The following ZNF605 variants were observed in gnomAD, a reference collection of about 807,000 sequenced individuals.
ZNF605 encodes zinc finger protein 605.
Under a neutral mutation model 7.9 loss-of-function variants are expected in ZNF605, and 9 were observed. That is an observed-to-expected ratio of 1.14 (90% CI 0.68 to 1.98). The LOEUF is 1.98. Ranked by LOEUF, ZNF605 falls within the 30% of genes most tolerant of loss-of-function variation. ZNF605 has a pLI of 0.00. For missense variants in ZNF605, 673 were observed against 762.4 expected (o/e 0.88, Z 1.38); for synonymous variants, 255 against 260.1 (o/e 0.98, Z 0.19).
At chr12:132,948,988 C>T (rs1269540237) in intron 1 of ZNF605, among the ~76,000 whole-genome samples, 2 of 151,950 alleles carry the variant, frequency 1.3e-5, no homozygotes, top group African/African-American at 4.8e-5. Context: ...GAGGCAGAGA[C>T]CAGTGTAGCT....
intron 2 of ZNF605, among the ~76,000 whole-genome samples, chr12:132,946,568 G>A (rs1302228441): frequency 3.3e-5 from 5 of 152,194 alleles, no homozygotes; most frequent in Non-Finnish European, 5.9e-5. Flanking sequence ...CCCAGCTGCC[G>A]GTTTCCAAGG....
At chr12:132,929,039 C>CA (rs1175898358) in intron 4 of ZNF605, among the ~76,000 whole-genome samples, 3,108 of 26,032 alleles carry the variant, frequency 0.12, 107 homozygotes, top group Middle Eastern at 0.2. Context: ...CAAAACAAAA[C>CA]AAAACAAAAA....
intron 1 of ZNF605, among the ~76,000 whole-genome samples, chr12:132,954,923 A>C (rs1952619566): frequency 1.3e-5 from 2 of 152,236 alleles, no homozygotes; most frequent in African/African-American, 4.8e-5. Context: ...TTCCATCATA[A>C]GATCCCCAAA....
rs560195282 is a variant in ZNF605, at chr12:132,940,661, C to T, written c.15+4960G>A. Among the ~76,000 whole-genome samples, 564 of 152,322 alleles carry T rather than the reference C, an allele frequency of 3.7e-3. 8 individuals carry two copies. The Middle Eastern group carries it at 0.044, about 12-fold the overall frequency. On this transcript the variant is annotated intron_variant, in intron 3 of 4. Coordinates refer to ENST00000360187, the MANE Select transcript of ZNF605 (RefSeq NM_183238.4). Reference sequence around the variant, plus strand: ...CCCGACTCAGGCTATGGCTAGTTCCCTGGCCATTGGATCAGGCCGCCGGCC... The same window carrying T: ...CCCGACTCAGGCTATGGCTAGTTCCTTGGCCATTGGATCAGGCCGCCGGCC...
chr12:132,929,055 CA>C (rs1952278487), intron 4 of ZNF605, among the ~76,000 whole-genome samples: 2 of 151,896 alleles, frequency 1.3e-5, no homozygotes, highest in South Asian at 4.2e-4. Flanking sequence ...AAAAAAACCC[CA>C]AAAACTACTC....
intron 4 of ZNF605, among the ~76,000 whole-genome samples, chr12:132,931,411 T>A (rs1952308021): frequency 6.6e-6 from 1 of 152,182 alleles, no homozygotes; most frequent in Non-Finnish European, 1.5e-5. Flanking sequence ...GAATTTCAGA[T>A]AATGTCCATC....
Position 132,926,795 on chromosome 12 carries a change from G to A in ZNF605, c.504C>T (p.Val168=). 1 of 1,614,058 alleles carries A rather than the reference G, an allele frequency of 6.2e-7. No homozygotes were observed. The highest frequency in any genetic ancestry group is 1.1e-5 in the South Asian group (1 of 91,070). The change falls in exon 5 of 5, where the codon GTC becomes GTT. Residue 168 remains valine (V), a synonymous_variant. Transcript: ENST00000360187. ...ATCTGCCACATTCCATGCATAAATAGACTCCTGTGTGTGTTATGTGATTAG... is the reference window on the plus strand; with the variant it reads ...ATCTGCCACATTCCATGCATAAATAAACTCCTGTGTGTGTTATGTGATTAG... The part of the protein sequence containing the change: ...LTANHITHTG[V]YLCMECGRFF...
At chr12:132,952,418 G>A (rs1373433592) in intron 1 of ZNF605, among the ~76,000 whole-genome samples, 2 of 142,238 alleles carry the variant, frequency 1.4e-5, no homozygotes, top group African/African-American at 2.7e-5. Context: ...CTGAGATCAC[G>A]CCACTGCACT....
intron 3 of ZNF605, among the ~76,000 whole-genome samples, chr12:132,936,231 A>G (rs972881972): frequency 3.3e-5 from 5 of 152,078 alleles, no homozygotes; most frequent in Non-Finnish European, 7.4e-5. Flanking sequence ...GATTTGAAAA[A>G]AATGAAATAT....
chr12:132,926,593 T>C lies in ZNF605; in HGVS notation c.706A>G (p.Arg236Gly). 3 of 1,614,196 alleles carry C rather than the reference T, an allele frequency of 1.9e-6. No individual in the cohort carries two copies. Among genetic ancestry groups the C allele is most frequent in the Non-Finnish European group, 2.5e-6 (3 of 1,180,016 alleles). ...GCSECQKAFS[R>G]KSLLILHQRI... Reference sequence around the variant, plus strand: ...TGATGTAAAATGAGGAGTGACTTCCTACTAAAAGCTTTCTGACATTCGCTG... The same window carrying C: ...TGATGTAAAATGAGGAGTGACTTCCCACTAAAAGCTTTCTGACATTCGCTG... Residue 236 changes from arginine to glycine, a missense_variant, in exon 5 of 5, where the codon AGG (arginine) becomes GGG (glycine). Coordinates refer to ENST00000360187, the MANE Select transcript of ZNF605 (RefSeq NM_183238.4).
At chr12:132,951,815 T>C (rs1593606113) in intron 1 of ZNF605, among the ~76,000 whole-genome samples, 1 of 150,912 alleles carries the variant, frequency 6.6e-6, no homozygotes, top group Non-Finnish European at 1.5e-5. Flanking sequence ...ATCACACACA[T>C]ACACATACAC....
chr12:132,927,181 GAACCATACTGTGTAATTCCT>G lies in ZNF605; in HGVS notation c.137-39_137-20del. 10 of 1,503,634 alleles carry G rather than the reference GAACCATACTGTGTAATTCCT, an allele frequency of 6.7e-6. No individual in the cohort carries two copies. The highest frequency in any genetic ancestry group is 8.9e-6 in the Non-Finnish European group (10 of 1,128,448). 93.1% of individuals were successfully genotyped at this position (1,503,634 alleles called of 1,614,324 possible). Reference sequence around the variant, plus strand: ...CAGACTTCTAAAAAGAGAAAAAAATGAACCATACTGTGTAATTCCTTCAATTATTATGCTTATTGCATAAA... The same window carrying G: ...CAGACTTCTAAAAAGAGAAAAAAATGTCAATTATTATGCTTATTGCATAAA... On this transcript the variant is annotated intron_variant, in intron 4 of 4. Coordinates refer to ENST00000360187, the MANE Select transcript of ZNF605 (RefSeq NM_183238.4).
At chr12:132,940,279 G>C (rs1301030118) in intron 3 of ZNF605, among the ~76,000 whole-genome samples, 1 of 152,226 alleles carries the variant, frequency 6.6e-6, no homozygotes, top group East Asian at 1.9e-4. Context: ...TGGTGACGGA[G>C]CCGCTCTGTC....
Position 132,937,531 on chromosome 12 carries a change from A to C in ZNF605, c.16-4376T>G, listed in dbSNP as rs989362417. ...CACACACACAGACACACACACACAC[A>C]CACACCCCTGACAAATATCTGTGAG... On this transcript the variant is annotated intron_variant, in intron 3 of 4. Coordinates refer to ENST00000360187, the MANE Select transcript of ZNF605 (RefSeq NM_183238.4). Among the ~76,000 whole-genome samples, 3 of 152,098 alleles carry C rather than the reference A, an allele frequency of 2.0e-5. No individual in the cohort carries two copies. The South Asian group carries it at 6.2e-4, about 32-fold the overall frequency.
Position 132,938,922 on chromosome 12 carries a change from G to A in ZNF605, c.16-5767C>T, listed in dbSNP as rs1241881124. Among the ~76,000 whole-genome samples, 392 of 152,186 alleles carry A rather than the reference G, an allele frequency of 2.6e-3. 9 individuals carry two copies. In the South Asian group the frequency reaches 0.031, roughly 12 times the overall value. The stretch of plus-strand genomic sequence containing the variant: ...GCCAGTGGCTGCGGAGGGTGTACTG[G>A]GTCCCCCAGCAGTGCTGGCCCACCG... On this transcript the variant is annotated intron_variant, in intron 3 of 4. Coordinates refer to ENST00000360187, the MANE Select transcript of ZNF605 (RefSeq NM_183238.4).
intron 4 of ZNF605, among the ~76,000 whole-genome samples, chr12:132,932,041 AGCCTCCCAGGTAGCTGGCACTAGAG>A (rs1952313519): frequency 6.6e-6 from 1 of 152,186 alleles, no homozygotes. Context: ...CTCCCACCTC[AGCCTCCCAGGTAGCTGGCACTAGAG>A]GTGCACACCA....
At position 132,920,477 on chromosome 12, in the gene ZNF605, T is replaced by A. The variant is rs954433933; in HGVS notation, c.*4896A>T. 1.1e-4 allele frequency: 16 copies of A among 152,350 alleles called. No homozygotes were observed. Among genetic ancestry groups the A allele is most frequent in the African/African-American group, 3.8e-4 (16 of 41,576 alleles). The allele number at this position is 152,350 out of a possible 1,614,324, so 9.4% of individuals were successfully genotyped here. A position where few individuals can be genotyped will look rare whatever the true frequency, so the allele number is the denominator to read the frequency against. ...GTTAGCATTCTGACAAGATGTTAAA[T>A]GACCCGGATACAATGAGTAATAATT... On this transcript the variant is annotated 3_prime_UTR_variant, in exon 5 of 5. Transcript: ENST00000360187.
intron 4 of ZNF605, 77 bp downstream of exon 4, chr12:132,932,958 A>C: frequency 6.7e-7 from 1 of 1,493,316 alleles, no homozygotes. Flanking sequence ...TGACATGTAA[A>C]ACTTACATCC....
intron 1 of ZNF605, among the ~76,000 whole-genome samples, chr12:132,952,230 TA>T: frequency 6.6e-6 from 1 of 151,572 alleles, no homozygotes; most frequent in South Asian, 2.1e-4. Flanking sequence ...GCTGAGGCGG[TA>T]GGCAGATCAC....
Sources: allele counts gnomAD v4.1 joint callset (sites outside exome capture counted in the v4.1 genomes callset), GRCh38; gene constraint gnomAD v4.1.1; transcripts MANE v1.5; gene names NCBI Gene and HGNC (gene_info 2026-07-23, HGNC 2026-07-21).